RALGPS1: variants seen among roughly 807,000 people sequenced by gnomAD.
RALGPS1 encodes the protein Ral GEF with PH domain and SH3 binding motif 1, also known as ras-specific guanine nucleotide-releasing factor RalGPS1.
A neutral mutation model predicts 78.8 loss-of-function variants in RALGPS1; 19 were observed. The observed-to-expected ratio is 0.24, with a 90% CI of 0.17 to 0.35. The LOEUF is 0.35. RALGPS1 is among the 10% of genes least tolerant of loss of function. RALGPS1 has a pLI of 1.00. For synonymous variants in RALGPS1, 228 were observed against 256.3 expected (o/e 0.89, Z 1.06); for missense variants, 454 against 688.3 (o/e 0.66, Z 3.81).
chr9:127,101,262 C>A (rs752098249), intron 8 of RALGPS1, among the ~76,000 whole-genome samples: 8 of 152,228 alleles, frequency 5.3e-5, no homozygotes, highest in Non-Finnish European at 7.3e-5. Flanking sequence ...AGCCCCTGCA[C>A]CTGTGAGAAA....
chr9:127,133,026 G>A (rs191061388), intron 8 of RALGPS1, among the ~76,000 whole-genome samples: 1 of 152,336 alleles, frequency 6.6e-6, no homozygotes, highest in Admixed American at 6.5e-5. Flanking sequence ...CTGCAAAGCA[G>A]GGATGAAAAA....
chr9:127,200,855 A>C (rs2061594960), intron 14 of RALGPS1, among the ~76,000 whole-genome samples: 1 of 152,238 alleles, frequency 6.6e-6, no homozygotes, highest in Admixed American at 6.5e-5. Flanking sequence ...AAGACATCAA[A>C]TGGCAAACAG....
chr9:127,036,720 T>C (rs1377962297), intron 5 of RALGPS1, among the ~76,000 whole-genome samples: 2 of 152,198 alleles, frequency 1.3e-5, no homozygotes, highest in Admixed American at 1.3e-4. Flanking sequence ...CCAAGTTCAC[T>C]AAAGGTCTTT....
chr9:126,916,885 C>G (rs1047418865), intron 1 of RALGPS1, among the ~76,000 whole-genome samples: 7 of 152,148 alleles, frequency 4.6e-5, no homozygotes, highest in African/African-American at 1.7e-4. Context: ...GATGACAGGG[C>G]TTTTTCTGAA....
At chr9:127,079,981 A>G (rs1011685148) in intron 8 of RALGPS1, 1 of 152,264 alleles carries the variant, frequency 6.6e-6, no homozygotes, top group African/African-American at 2.4e-5. Context: ...TGTAAAACTC[A>G]ACACATAAAG....
chr9:126,942,298 T>TA (rs1436362022), intron 1 of RALGPS1, among the ~76,000 whole-genome samples: 10 of 152,134 alleles, frequency 6.6e-5, no homozygotes, highest in Non-Finnish European at 1.5e-4. Context: ...TTTTTTTTTT[T>TA]ACCTCCAAAT....
intron 8 of RALGPS1, among the ~76,000 whole-genome samples, chr9:127,142,163 T>C (rs1342864014): frequency 6.6e-6 from 1 of 152,226 alleles, no homozygotes; most frequent in Non-Finnish European, 1.5e-5. Flanking sequence ...CCTAGATGCC[T>C]CGTCACATCA....
Position 127,196,535 on chromosome 9 carries a change from A to G in RALGPS1, c.1099A>G (p.Arg367Gly), listed in dbSNP as rs1167226192. 1 of 1,614,192 alleles carries G rather than the reference A, an allele frequency of 6.2e-7. No individual in the cohort carries two copies. Among genetic ancestry groups the G allele is most frequent in the South Asian group, 1.1e-5 (1 of 91,076 alleles). ...TGCGACATTCCCATCGGAGAAAGCA[A>G]GGCACCTACTGGACGACAGTGTCCT... ...KSATFPSEKARHLLDDSVLES... is the reference protein window; with the variant it reads ...KSATFPSEKAGHLLDDSVLES... The change falls in exon 13 of 19, where the codon AGG becomes GGG. Residue 367 changes from arginine to glycine, a missense_variant. Physicochemically the swap from Arg to Gly is moderately radical, Grantham distance 125. Transcript: ENST00000259351.
At chr9:127,025,646 T>C (rs1023300391) in intron 4 of RALGPS1, among the ~76,000 whole-genome samples, 1 of 152,230 alleles carries the variant, frequency 6.6e-6, no homozygotes, top group Non-Finnish European at 1.5e-5. Context: ...CTGTGTTTAC[T>C]TGCCATCCAC....
At chr9:127,119,388 GGACCCAGT>G (rs1435833101) in intron 8 of RALGPS1, among the ~76,000 whole-genome samples, 1 of 152,176 alleles carries the variant, frequency 6.6e-6, no homozygotes, top group African/African-American at 2.4e-5. Context: ...CACTGGGCAG[GGACCCAGT>G]GACAGTCAGG....
chr9:126,916,463 C>T (rs1030356266), intron 1 of RALGPS1, among the ~76,000 whole-genome samples: 2 of 152,156 alleles, frequency 1.3e-5, no homozygotes, highest in Admixed American at 1.3e-4. Context: ...CTGCCCCCAT[C>T]CAAGTACAGA....
At chr9:127,075,340 G>T (rs2050583340) in intron 8 of RALGPS1, among the ~76,000 whole-genome samples, 1 of 152,204 alleles carries the variant, frequency 6.6e-6, no homozygotes, top group Admixed American at 6.5e-5. Context: ...ACTGCCACCT[G>T]CTCTCTGTTC....
At chr9:126,959,747 T>G (rs1391978882) in intron 1 of RALGPS1, among the ~76,000 whole-genome samples, 1 of 152,250 alleles carries the variant, frequency 6.6e-6, no homozygotes, top group African/African-American at 2.4e-5. Flanking sequence ...TATATTTTGC[T>G]GACCCATTTT....
chr9:127,183,476 G>A lies in RALGPS1; in HGVS notation c.910+8694G>A, dbSNP rs1312282482. ...CTCACATGGGCCACCTCGGTCCACA[G>A]GAGGCCGTACCTGTCCTCATTCTAA... On this transcript the variant is annotated intron_variant, in intron 11 of 18. Coordinates refer to ENST00000259351, the MANE Select transcript of RALGPS1 (RefSeq NM_014636.3). The surrounding 1 kb of genome is among the most constrained non-coding windows in gnomAD (Gnocchi z 4.0). Among the ~76,000 whole-genome samples the A allele has an allele frequency of 6.6e-6, 1 of 152,148 alleles. No individual in the cohort carries two copies. The highest frequency in any genetic ancestry group is 1.5e-5 in the Non-Finnish European group (1 of 68,028).
At chr9:127,094,189 C>A (rs2052839931) in intron 8 of RALGPS1, among the ~76,000 whole-genome samples, 2 of 152,198 alleles carry the variant, frequency 1.3e-5, no homozygotes, top group African/African-American at 4.8e-5. Flanking sequence ...CAGACTTCTT[C>A]ATTCTCCCAG....
Position 127,091,335 on chromosome 9 carries a change from GC to G in RALGPS1, c.610+21981del, listed in dbSNP as rs1284173830. Among the ~76,000 whole-genome samples the G allele has an allele frequency of 6.6e-6, 1 of 152,232 alleles. No individual in the cohort carries two copies. Among genetic ancestry groups the G allele is most frequent in the Admixed American group, 6.5e-5 (1 of 15,292 alleles). On this transcript the variant is annotated intron_variant, in intron 8 of 18. Transcript: ENST00000259351. The surrounding 1 kb of genome is among the most constrained non-coding windows in gnomAD (Gnocchi z 4.3). ...GCAGTTGGTTAGCTCTATACCAGGT[GC>G]CTGGGACAGAAGTGGTGAGGCCACA...
At chr9:127,000,175 T>C (rs975595713) in intron 4 of RALGPS1, among the ~76,000 whole-genome samples, 3 of 152,184 alleles carry the variant, frequency 2.0e-5, no homozygotes, top group African/African-American at 7.2e-5. Flanking sequence ...CATTATTTTT[T>C]CTATGGCTTT....
At chr9:127,176,600 G>C (rs976625501) in intron 11 of RALGPS1, among the ~76,000 whole-genome samples, 1 of 152,250 alleles carries the variant, frequency 6.6e-6, no homozygotes, top group African/African-American at 2.4e-5. Flanking sequence ...TAAGAGGCCT[G>C]TTTGGCCTTT....
At chr9:127,052,066 C>T (rs2048344299) in intron 6 of RALGPS1, among the ~76,000 whole-genome samples, 1 of 152,200 alleles carries the variant, frequency 6.6e-6, no homozygotes, top group Admixed American at 6.5e-5. Flanking sequence ...TTGCCTTCTG[C>T]ACTTTAAGGA....
Sources: gnomAD v4.1 joint callset for allele counts (sites outside exome capture counted in the v4.1 genomes callset) on GRCh38, gnomAD v4.1.1 for gene constraint, Gnocchi (gnomAD v3.1) non-coding constraint, MANE v1.5 for transcripts, NCBI Gene and HGNC (gene_info 2026-07-23, HGNC 2026-07-21) for gene names.